VWA3B: variants seen among roughly 807,000 people sequenced by gnomAD.
The protein encoded by VWA3B is von Willebrand factor A domain containing 3B.
In VWA3B, 138 loss-of-function variants were observed where a neutral mutation model predicts 158.3. The ratio of observed to expected loss-of-function variants is 0.87; its 90% CI spans 0.76 to 1.00. The LOEUF (loss-of-function observed/expected upper bound fraction) is 1.00. Ranked by LOEUF, VWA3B falls within the 50% of genes least tolerant of loss-of-function variation. The pLI, the probability that VWA3B is intolerant of heterozygous loss-of-function variation, is 0.00. For synonymous variants in VWA3B, 596 were observed against 587.3 expected (o/e 1.01, Z -0.21); for missense variants, 1,555 against 1,565.1 (o/e 0.99, Z 0.11).
intron 6 of VWA3B, among the ~76,000 whole-genome samples, chr2:98,133,524 A>G (rs572079978): frequency 5.3e-5 from 8 of 152,326 alleles, no homozygotes; most frequent in South Asian, 2.1e-4. Context: ...GAGAAAGAAT[A>G]TAAGCATAGA....
chr2:98,173,809 T>G (rs1679790591), intron 8 of VWA3B, among the ~76,000 whole-genome samples: 1 of 151,930 alleles, frequency 6.6e-6, no homozygotes, highest in South Asian at 2.1e-4. Context: ...TTACTAAAAA[T>G]ACAAAAATTA....
At chr2:98,143,930 T>A (rs570121650) in intron 7 of VWA3B, among the ~76,000 whole-genome samples, 147 of 151,994 alleles carry the variant, frequency 9.7e-4, no homozygotes, top group South Asian at 2.1e-3. Context: ...TTTTTTAAAT[T>A]TTTTGTAGAG....
At chr2:98,186,631 C>G (rs1028011953) in intron 9 of VWA3B, among the ~76,000 whole-genome samples, 6 of 152,062 alleles carry the variant, frequency 3.9e-5, no homozygotes, top group African/African-American at 7.2e-5. Flanking sequence ...CATCTGATCT[C>G]TCGGTGAACG....
chr2:98,104,194 C>T (rs1320464271), intron 2 of VWA3B, among the ~76,000 whole-genome samples: 1 of 152,102 alleles, frequency 6.6e-6, no homozygotes, highest in Non-Finnish European at 1.5e-5. Flanking sequence ...TTAATTAAAT[C>T]AGTTAGTGTC....
At chr2:98,315,882 G>A (rs527343966), downstream of VWA3B, among the ~76,000 whole-genome samples, 16 of 152,250 alleles carry the variant, frequency 1.1e-4, no homozygotes, top group East Asian at 1.4e-3. Flanking sequence ...CACAGAAATC[G>A]ATATACACAA....
intron 22 of VWA3B, among the ~76,000 whole-genome samples, chr2:98,282,122 G>A (rs17428000): frequency 0.039 from 5,932 of 152,310 alleles, 170 homozygotes; most frequent in Middle Eastern, 0.075. Flanking sequence ...CCAGCAGGAT[G>A]TCATCTTTCT....
chr2:98,199,134 C>CT (rs1335050621), intron 12 of VWA3B, among the ~76,000 whole-genome samples: 1 of 151,392 alleles, frequency 6.6e-6, no homozygotes, highest in Non-Finnish European at 1.5e-5. Context: ...TTTGTCAGTT[C>CT]TTATAAGTTC....
rs374650319 is a variant in VWA3B at position 98,165,616 on chromosome 2, A to G, written c.1114+2640A>G. Among the ~76,000 whole-genome samples, 8 of 152,174 alleles carry G rather than the reference A, an allele frequency of 5.3e-5. No individual in the cohort carries two copies. In the East Asian group the frequency reaches 1.5e-3, roughly 29 times the overall value. ...GAAATGGGGATGGGGACTTGTGTAG[A>G]GGGAGAGAGAGGTTGAGGCATGGGC... On this transcript the variant is annotated intron_variant, in intron 8 of 27. Transcript: ENST00000477737.
the VWA3B span, among the ~76,000 whole-genome samples, chr2:98,329,248 G>A: frequency 2.0e-5 from 3 of 152,222 alleles, no homozygotes; most frequent in African/African-American, 7.2e-5. Flanking sequence ...CTAAAACTTA[G>A]GAAGAAATAT....
intron 2 of VWA3B, among the ~76,000 whole-genome samples, chr2:98,113,882 G>A (rs1674329963): frequency 6.6e-6 from 1 of 152,136 alleles, no homozygotes; most frequent in South Asian, 2.1e-4. Flanking sequence ...TTGTATGGCT[G>A]TACTACGATT....
At chr2:98,214,261 A>T (rs971498043) in intron 13 of VWA3B, among the ~76,000 whole-genome samples, 2 of 151,988 alleles carry the variant, frequency 1.3e-5, no homozygotes, top group African/African-American at 2.4e-5. Context: ...TGAATCACTC[A>T]TAATTGAATT....
At chr2:98,234,611 C>T in intron 16 of VWA3B, 37 bp from the exon 17 acceptor site, 1 of 1,613,420 alleles carries the variant, frequency 6.2e-7, no homozygotes, top group South Asian at 1.1e-5. Flanking sequence ...CCTTCCATCC[C>T]CAATTCCTTT....
intron 26 of VWA3B, among the ~76,000 whole-genome samples, chr2:98,306,460 A>G (rs1246315525): frequency 6.6e-6 from 1 of 152,014 alleles, no homozygotes; most frequent in Non-Finnish European, 1.5e-5. Flanking sequence ...ACCTTTCCTT[A>G]GCTATGATTA....
At chr2:98,119,226 G>A (rs1349271810) in intron 3 of VWA3B, among the ~76,000 whole-genome samples, 2 of 152,160 alleles carry the variant, frequency 1.3e-5, no homozygotes, top group African/African-American at 2.4e-5. Context: ...AGTACCCTGG[G>A]CTTTTTCTGA....
At chr2:98,156,563 G>A (rs750132979) in intron 7 of VWA3B, among the ~76,000 whole-genome samples, 84 of 152,184 alleles carry the variant, frequency 5.5e-4, no homozygotes, top group Middle Eastern at 3.4e-3. Flanking sequence ...GGAAATCAAG[G>A]AGCAGCCCTG....
Position 98,298,102 on chromosome 2 carries a change from G to C in VWA3B, c.3282+71G>C, listed in dbSNP as rs1689927817. ...AGAGTTTTGAATAACAGAACGCCAA[G>C]GCCACTGTTTGGCCCTTTGCTGAAC... On this transcript the variant is annotated intron_variant, in intron 24 of 27. Transcript: ENST00000477737. 9.5e-6 allele frequency: 13 copies of C among 1,364,270 alleles called. No homozygotes were observed. In the South Asian group the frequency reaches 2.6e-4, roughly 27 times the overall value. The allele number at this position is 1,364,270 out of a possible 1,614,324, so 84.5% of individuals were successfully genotyped here. A position where few individuals can be genotyped will look rare whatever the true frequency, so the allele number is the denominator to read the frequency against.
intron 8 of VWA3B, among the ~76,000 whole-genome samples, chr2:98,180,244 G>A (rs1680447739): frequency 6.6e-6 from 1 of 151,580 alleles, no homozygotes; most frequent in African/African-American, 2.4e-5. Flanking sequence ...GCCCAGGCTG[G>A]AGCGCAGTGG....
intron 25 of VWA3B, among the ~76,000 whole-genome samples, chr2:98,301,637 C>A (rs981908055): frequency 2.6e-5 from 4 of 152,156 alleles, no homozygotes; most frequent in Non-Finnish European, 5.9e-5. Flanking sequence ...GGGAATGACT[C>A]GGTTAACTGT....
chr2:98,139,607 A>G lies in VWA3B; in HGVS notation c.988+5668A>G, dbSNP rs371492993. On this transcript the variant is annotated intron_variant, in intron 7 of 27. Coordinates refer to ENST00000477737, the MANE Select transcript of VWA3B (RefSeq NM_144992.5). ...TAGCTCAGGGTTTGTGAATGCACCA[A>G]TTGACACTCTGTATCTAGCTACTCT... Among the ~76,000 whole-genome samples, 1,066 of 152,114 alleles carry G rather than the reference A, an allele frequency of 7.0e-3. 17 individuals are homozygous for G. The highest frequency in any genetic ancestry group is 0.045 in the South Asian group (214 of 4,808).
Sources: allele counts gnomAD v4.1 joint callset (sites outside exome capture counted in the v4.1 genomes callset), GRCh38; gene constraint gnomAD v4.1.1; transcripts MANE v1.5; gene names NCBI Gene and HGNC (gene_info 2026-07-23, HGNC 2026-07-21).